Variants in WDR72 observed in about 807,000 individuals in gnomAD.
The protein encoded by WDR72 is WD repeat domain 72, also known as WD repeat-containing protein 72.
In WDR72, 120 loss-of-function variants were observed where a neutral mutation model predicts 124.2. The ratio of observed to expected loss-of-function variants is 0.97; its 90% CI spans 0.83 to 1.12. WDR72 has a LOEUF of 1.12. Ranked by LOEUF, WDR72 falls within the 50% of genes most tolerant of loss-of-function variation. The pLI, the probability that WDR72 is intolerant of heterozygous loss-of-function variation, is 0.00. For synonymous variants in WDR72, 452 were observed against 441.7 expected (o/e 1.02, Z -0.29); for missense variants, 1,387 against 1,278.8 (o/e 1.08, Z -1.29).
intron 18 of WDR72, among the ~76,000 whole-genome samples, chr15:53,587,424 C>T (rs1189897819): frequency 1.3e-5 from 2 of 151,842 alleles, no homozygotes; most frequent in Non-Finnish European, 2.9e-5. Flanking sequence ...TAGCAGTGGT[C>T]TTATGTATAC....
chr15:53,746,696 A>G (rs773655073), intron 1 of WDR72, among the ~76,000 whole-genome samples: 1 of 152,006 alleles, frequency 6.6e-6, no homozygotes, highest in Non-Finnish European at 1.5e-5. Context: ...TTTTTTTTCC[A>G]GAAAACATAC....
intron 13 of WDR72, among the ~76,000 whole-genome samples, chr15:53,681,629 G>T (rs1323603860): frequency 6.6e-6 from 1 of 152,142 alleles, no homozygotes; most frequent in African/African-American, 2.4e-5. Context: ...GCAGCAAAGG[G>T]TGGGACTTAA....
rs67659814 is a variant in WDR72 at position 53,736,998 on chromosome 15, A to AACACACACACACAC, written c.-12-3851_-12-3838dup. Among the ~76,000 whole-genome samples the AACACACACACACAC allele has an allele frequency of 2.3e-4, 32 of 141,228 alleles. No individual in the cohort carries two copies. The East Asian group carries it at 3.3e-3, about 15-fold the overall frequency. The allele number at this position is 141,228 out of a possible 152,430, so 92.7% of individuals were successfully genotyped here. ...TGGTGTAAAACAAAGGTAGATGTAA[A>AACACACACACACAC]ACACACACACACACACACACACACA... On this transcript the variant is annotated intron_variant, in intron 1 of 19. Transcript: ENST00000360509.
Position 53,718,001 on chromosome 15 carries a change from G to A in WDR72, c.261-1316C>T, listed in dbSNP as rs534356483. ...TCTCAAAGGGAAACAAACTAATAAT[G>A]CATCTATAAAATAAAGAAACATATT... On this transcript the variant is annotated intron_variant, in intron 3 of 19. Coordinates refer to ENST00000360509, the MANE Select transcript of WDR72 (RefSeq NM_182758.4). 3.9e-5 allele frequency among the ~76,000 whole-genome samples: 6 copies of A among 152,220 alleles called. No individual in the cohort carries two copies. In the South Asian group the frequency reaches 1.0e-3, roughly 26 times the overall value.
rs1555402376 is a variant in WDR72 at position 53,515,024 on chromosome 15, T to TATATATATAC, written c.*2674_*2675insGTATATATAT. The TATATATATAC allele has an allele frequency of 7.4e-6, 1 of 135,874 alleles. No individual in the cohort carries two copies. Among genetic ancestry groups the TATATATATAC allele is most frequent in the Admixed American group, 7.0e-5 (1 of 14,266 alleles). 8.4% of individuals were successfully genotyped at this position (135,874 alleles called of 1,614,324 possible). A position where few individuals can be genotyped will look rare whatever the true frequency, so the allele number is the denominator to read the frequency against. On this transcript the variant is annotated 3_prime_UTR_variant, in exon 20 of 20. Transcript: ENST00000360509. ...GGGATATGCCATATATATATATATATACACACATATATATGTGTATATATA... is the reference window on the plus strand; with the variant it reads ...GGGATATGCCATATATATATATATATATATATATACACACACATATATATGTGTATATATA...
chr15:53,650,892 A>AGTT (rs1286530658), intron 14 of WDR72, among the ~76,000 whole-genome samples: 2 of 64,834 alleles, frequency 3.1e-5, no homozygotes, highest in Non-Finnish European at 6.3e-5. Context: ...CCTCTAATTC[A>AGTT]GTTTTTTTTT....
At chr15:53,600,202 G>A (rs1317782870) in intron 17 of WDR72, among the ~76,000 whole-genome samples, 7 of 152,114 alleles carry the variant, frequency 4.6e-5, no homozygotes, top group African/African-American at 1.7e-4. Flanking sequence ...ACTGTGGGAA[G>A]TATAATTTAT....
intron 16 of WDR72, among the ~76,000 whole-genome samples, chr15:53,611,978 T>G: frequency 6.6e-6 from 1 of 152,110 alleles, no homozygotes; most frequent in East Asian, 1.9e-4. Context: ...CTGCACAGCT[T>G]TGGAGGCAAC....
chr15:53,736,577 C>T (rs570527422), intron 1 of WDR72, among the ~76,000 whole-genome samples: 1 of 152,256 alleles, frequency 6.6e-6, no homozygotes, highest in African/African-American at 2.4e-5. Context: ...GATGGTCTGG[C>T]ACAAAGTGTT....
chr15:53,646,243 A>C (rs2015037124), intron 14 of WDR72, among the ~76,000 whole-genome samples: 1 of 152,142 alleles, frequency 6.6e-6, no homozygotes, highest in Non-Finnish European at 1.5e-5. Context: ...AAAAACAACC[A>C]AAGTCCTAAT....
At chr15:53,678,522 A>C (rs1056223474) in intron 13 of WDR72, among the ~76,000 whole-genome samples, 1 of 152,100 alleles carries the variant, frequency 6.6e-6, no homozygotes, top group Admixed American at 6.5e-5. Context: ...TTATTTCTGT[A>C]GTTTATAATC....
chr15:53,758,830 T>G (rs1239270333), intron 1 of WDR72, among the ~76,000 whole-genome samples: 2 of 150,412 alleles, frequency 1.3e-5, no homozygotes, highest in Non-Finnish European at 3.0e-5. Context: ...ACGTTTTGTT[T>G]AACAGAACGT....
At chr15:53,617,287 C>T (rs1192900326) in intron 14 of WDR72, among the ~76,000 whole-genome samples, 1 of 151,178 alleles carries the variant, frequency 6.6e-6, no homozygotes, top group African/African-American at 2.4e-5. Context: ...CATGTAAATA[C>T]AAATAAATGA....
At chr15:53,595,601 T>A (rs1396775905) in intron 18 of WDR72, among the ~76,000 whole-genome samples, 1 of 152,102 alleles carries the variant, frequency 6.6e-6, no homozygotes, top group Non-Finnish European at 1.5e-5. Context: ...AGAAATGACA[T>A]CTACTGAGAG....
At chr15:53,704,374 A>G (rs906986240) in intron 11 of WDR72, among the ~76,000 whole-genome samples, 2 of 152,200 alleles carry the variant, frequency 1.3e-5, no homozygotes, top group African/African-American at 4.8e-5. Context: ...TGTTATGCTG[A>G]TATGTGCTTG....
chr15:53,635,386 A>T lies in WDR72; in HGVS notation c.1963-19143T>A, dbSNP rs564516534. ...GATCCCTTCACTTATGAAAATGATA[A>T]ATTAATTCAGAATTGGGGCCATTTT... On this transcript the variant is annotated intron_variant, in intron 14 of 19. Transcript: ENST00000360509. 7.2e-4 allele frequency among the ~76,000 whole-genome samples: 109 copies of T among 152,302 alleles called. 2 individuals are homozygous for T. The South Asian group carries it at 0.022, about 31-fold the overall frequency.
intron 2 of WDR72, 59 bp from the exon 3 acceptor site, chr15:53,722,967 C>T (rs939462730): frequency 1.4e-5 from 20 of 1,446,850 alleles, no homozygotes; most frequent in Non-Finnish European, 1.8e-5. Context: ...AATAAAAACA[C>T]CACAATATAG....
chr15:53,711,435 CTA>C lies in WDR72; in HGVS notation c.756_757del (p.Ser252ArgfsTer44), dbSNP rs1486234059. On this transcript the variant is annotated frameshift_variant, in exon 8 of 20. Transcript: ENST00000360509. LOFTEE classifies it high-confidence loss of function. ...TCCACCAGCAAAGAACTGCCCATTTCTACTAACTTCAGTCAGCAGAAGGGAAA... is the reference window on the plus strand; with the variant it reads ...TCCACCAGCAAAGAACTGCCCATTTCCTAACTTCAGTCAGCAGAAGGGAAA... The C allele has an allele frequency of 3.8e-5, 61 of 1,613,982 alleles. No individual in the cohort carries two copies. The highest frequency in any genetic ancestry group is 5.0e-5 in the Non-Finnish European group (59 of 1,180,040).
chr15:53,681,927 G>A (rs2016402281), intron 13 of WDR72, among the ~76,000 whole-genome samples: 1 of 151,866 alleles, frequency 6.6e-6, no homozygotes, highest in African/African-American at 2.4e-5. Flanking sequence ...AATAAGTCAT[G>A]GATACCTAAA....
Sources: allele counts gnomAD v4.1 joint callset (sites outside exome capture counted in the v4.1 genomes callset), GRCh38; gene constraint gnomAD v4.1.1; transcripts MANE v1.5; gene names NCBI Gene and HGNC (gene_info 2026-07-23, HGNC 2026-07-21).